Variants in ZNF679 observed in about 807,000 individuals in gnomAD.
The protein encoded by ZNF679 is hypothetical protein MGC42415.
Under a neutral mutation model 13.4 loss-of-function variants are expected in ZNF679, and 10 were observed. The ratio of observed to expected loss-of-function variants is 0.75; its 90% CI spans 0.46 to 1.27. The LOEUF is 1.27. ZNF679 is among the 50% of genes most tolerant of loss of function. The pLI is 0.00. For missense variants in ZNF679, 525 were observed against 477.8 expected (o/e 1.10, Z -0.92); for synonymous variants, 179 against 162.5 (o/e 1.10, Z -0.77).
chr7:64,262,909 T>C (rs78805806), intron 4 of ZNF679, among the ~76,000 whole-genome samples: 4,965 of 152,334 alleles, frequency 0.033, 175 homozygotes, highest in East Asian at 0.17. Flanking sequence ...ACAAATTAAG[T>C]TGTCATTTAA....
intron 1 of ZNF679, among the ~76,000 whole-genome samples, chr7:64,244,995 G>T (rs1000984722): frequency 6.6e-6 from 1 of 152,132 alleles, no homozygotes; most frequent in African/African-American, 2.4e-5. Flanking sequence ...CATCCATTTT[G>T]TTGTTGTTTG....
chr7:64,231,115 A>G (rs904368550), intron 1 of ZNF679, among the ~76,000 whole-genome samples: 1 of 152,208 alleles, frequency 6.6e-6, no homozygotes, highest in African/African-American at 2.4e-5. Context: ...GGAACTTTAT[A>G]AAATATGCAT....
At chr7:64,250,034 G>T (rs1448083964) in intron 2 of ZNF679, among the ~76,000 whole-genome samples, 1 of 152,124 alleles carries the variant, frequency 6.6e-6, no homozygotes, top group South Asian at 2.1e-4. Context: ...TAGAGATGGG[G>T]TTTCACCATG....
intron 4 of ZNF679, among the ~76,000 whole-genome samples, chr7:64,263,900 T>C (rs1788109548): frequency 6.6e-6 from 1 of 152,150 alleles, no homozygotes. Context: ...ATAATGTTTT[T>C]CAGGTTTTCT....
chr7:64,262,450 CGTTA>C (rs1455865997), intron 4 of ZNF679, among the ~76,000 whole-genome samples: 1 of 152,100 alleles, frequency 6.6e-6, no homozygotes, highest in Non-Finnish European at 1.5e-5. Context: ...CTAAGAATTT[CGTTA>C]GTTTTTTTCC....
chr7:64,240,589 T>C (rs550178196), intron 1 of ZNF679, among the ~76,000 whole-genome samples: 28 of 151,768 alleles, frequency 1.8e-4, no homozygotes, highest in African/African-American at 6.8e-4. Flanking sequence ...ATTGTCACCC[T>C]CACACATAGT....
At chr7:64,248,432 G>A (rs944592940) in intron 1 of ZNF679, among the ~76,000 whole-genome samples, 1 of 151,906 alleles carries the variant, frequency 6.6e-6, no homozygotes, top group Admixed American at 6.6e-5. Flanking sequence ...ACAGACGCCC[G>A]CCAACACCCT....
chr7:64,265,175 A>G (rs1336808136), intron 4 of ZNF679, among the ~76,000 whole-genome samples: 2 of 152,142 alleles, frequency 1.3e-5, no homozygotes, highest in African/African-American at 4.8e-5. Flanking sequence ...TTAAACATTA[A>G]CATAAAACTA....
At chr7:64,258,074 G>A (rs1163326995) in intron 2 of ZNF679, among the ~76,000 whole-genome samples, 6 of 152,074 alleles carry the variant, frequency 3.9e-5, no homozygotes, top group Admixed American at 2.6e-4. Context: ...AGTGCGGTTC[G>A]TGCTCCCATT....
chr7:64,236,902 GAAAA>G (rs201060024), intron 1 of ZNF679, among the ~76,000 whole-genome samples: 27 of 113,492 alleles, frequency 2.4e-4, no homozygotes, highest in Admixed American at 1.5e-3. Context: ...AAAAGAAAAA[GAAAA>G]AAAGAAAGAA....
At chr7:64,230,656 TATC>T (rs1787626364) in intron 1 of ZNF679, among the ~76,000 whole-genome samples, 7 of 151,694 alleles carry the variant, frequency 4.6e-5, no homozygotes, top group Admixed American at 2.6e-4. Flanking sequence ...AATAATCAAA[TATC>T]ATGAGCTGGG....
At chr7:64,250,136 C>G (rs1018127074) in intron 2 of ZNF679, among the ~76,000 whole-genome samples, 24 of 152,180 alleles carry the variant, frequency 1.6e-4, no homozygotes, top group African/African-American at 5.5e-4. Context: ...GCCACCGCCC[C>G]TGGCCATAAG....
chr7:64,243,160 A>T (rs540874747), intron 1 of ZNF679, among the ~76,000 whole-genome samples: 1 of 152,276 alleles, frequency 6.6e-6, no homozygotes, highest in South Asian at 2.1e-4. Flanking sequence ...ATCTTTGCAC[A>T]TGTAGAAGGC....
At chr7:64,264,030 A>G (rs1469236532) in intron 4 of ZNF679, among the ~76,000 whole-genome samples, 1 of 151,950 alleles carries the variant, frequency 6.6e-6, no homozygotes, top group Non-Finnish European at 1.5e-5. Flanking sequence ...TTTGCTTTAT[A>G]TATTTTGAAA....
intron 2 of ZNF679, among the ~76,000 whole-genome samples, chr7:64,249,705 A>G (rs966810052): frequency 3.3e-5 from 5 of 152,178 alleles, no homozygotes; most frequent in African/African-American, 1.2e-4. Flanking sequence ...AAATTCAGTA[A>G]CTGCTTTGGT....
chr7:64,245,625 G>A (rs1036359972), intron 1 of ZNF679, among the ~76,000 whole-genome samples: 2 of 152,098 alleles, frequency 1.3e-5, no homozygotes, highest in Non-Finnish European at 1.5e-5. Flanking sequence ...TCCCACTTTA[G>A]GGAGGAAAAA....
intron 1 of ZNF679, among the ~76,000 whole-genome samples, chr7:64,231,158 T>C (rs1468312293): frequency 5.3e-5 from 8 of 152,196 alleles, no homozygotes; most frequent in African/African-American, 1.9e-4. Context: ...TTACTACAAG[T>C]AAAAGACCCA....
intron 1 of ZNF679, 123 bp from the exon 2 acceptor site, chr7:64,248,905 G>A: frequency 1.4e-6 from 1 of 694,742 alleles, no homozygotes; most frequent in Non-Finnish European, 2.4e-6. Flanking sequence ...GGCGTGAAGG[G>A]TGGGTCCTGA....
Position 64,260,822 on chromosome 7 carries a change from T to A in ZNF679, c.167-12T>A. 2 of 1,594,370 alleles carry A rather than the reference T, an allele frequency of 1.3e-6. No individual in the cohort carries two copies. Among genetic ancestry groups the A allele is most frequent in the Non-Finnish European group, 1.7e-6 (2 of 1,174,246 alleles). ...GCAAGATTTATGTTACTTTTTTTTC[T>A]TAATAAAACAGGTATTGCTGTCTCT... On this transcript the variant is annotated splice_polypyrimidine_tract_variant and intron_variant, in intron 3 of 4. Transcript: ENST00000421025.
Sources: gnomAD v4.1 joint callset for allele counts (sites outside exome capture counted in the v4.1 genomes callset) on GRCh38, gnomAD v4.1.1 for gene constraint, MANE v1.5 for transcripts, NCBI Gene and HGNC (gene_info 2026-07-23, HGNC 2026-07-21) for gene names.